The following TBC1D12 variants were observed in gnomAD, a reference collection of about 807,000 sequenced individuals.
TBC1D12 encodes TBC1 domain family member 12, also known as TBC1 domain family, member 12.
A neutral mutation model predicts 86.7 loss-of-function variants in TBC1D12; 56 were observed. That is an observed-to-expected ratio of 0.65 (90% CI 0.52 to 0.81). TBC1D12 has a LOEUF of 0.81. Among genes scored for constraint, TBC1D12 ranks in the 30% least tolerant of loss-of-function variants. The probability of loss-of-function intolerance (pLI) is 0.00; values close to 1 mark genes in which losing one functional copy is unlikely to be tolerated. For synonymous variants in TBC1D12, 421 were observed against 411.7 expected, an observed-to-expected ratio of 1.02 and a Z score of -0.27; for missense variants, 1,023 against 1,038.8, an observed-to-expected ratio of 0.98 and a Z score of 0.21.
rs377612027 is a variant in TBC1D12, at chr10:94,533,696, A to T, written c.*600A>T. On this transcript the variant is annotated 3_prime_UTR_variant, in exon 13 of 13. Coordinates refer to ENST00000225235, the MANE Select transcript of TBC1D12 (RefSeq NM_015188.2). ...ATTGTTTGTTTAGATGTTTTTCCAT[A>T]GTATGGTGTCCATTTGTTTTTTAAG... 4.1e-4 allele frequency: 63 copies of T among 152,316 alleles called. No individual in the cohort carries two copies. Among genetic ancestry groups the T allele is most frequent in the African/African-American group, 1.3e-3 (56 of 41,568 alleles). 9.4% of individuals were successfully genotyped at this position (152,316 alleles called of 1,614,324 possible). A position where few individuals can be genotyped will look rare whatever the true frequency, so the allele number is the denominator to read the frequency against.
intron 9 of TBC1D12, among the ~76,000 whole-genome samples, chr10:94,518,737 T>C (rs1365247426): frequency 2.6e-5 from 4 of 152,322 alleles, no homozygotes; most frequent in East Asian, 3.9e-4. Flanking sequence ...ACAAGAGTGA[T>C]ATATAATAAA....
At chr10:94,421,429 T>TG (rs1473887202) in intron 1 of TBC1D12, among the ~76,000 whole-genome samples, 1 of 152,256 alleles carries the variant, frequency 6.6e-6, no homozygotes, top group African/African-American at 2.4e-5. Flanking sequence ...CATCCATTGA[T>TG]GGACACTTGG....
intron 1 of TBC1D12, among the ~76,000 whole-genome samples, chr10:94,426,077 T>C (rs888183797): frequency 9.2e-5 from 14 of 152,188 alleles, no homozygotes; most frequent in Admixed American, 3.3e-4. Context: ...GAGGTGACTG[T>C]AGACAGTCAT....
chr10:94,404,914 G>A (rs2054831189), intron 1 of TBC1D12, among the ~76,000 whole-genome samples: 1 of 151,984 alleles, frequency 6.6e-6, no homozygotes. Context: ...CGGGCATGTT[G>A]GCAGGCGACT....
intron 3 of TBC1D12, among the ~76,000 whole-genome samples, chr10:94,490,365 G>T (rs1238288215): frequency 6.6e-6 from 1 of 152,106 alleles, no homozygotes; most frequent in Non-Finnish European, 1.5e-5. Context: ...TGACATTAGG[G>T]TTGCTACAAA....
chr10:94,454,070 C>T (rs2055590630), intron 2 of TBC1D12, among the ~76,000 whole-genome samples: 1 of 152,106 alleles, frequency 6.6e-6, no homozygotes, highest in African/African-American at 2.4e-5. Context: ...CTTTGTCTTT[C>T]TTCAATATTG....
chr10:94,429,521 T>C (rs1016019454), intron 1 of TBC1D12, among the ~76,000 whole-genome samples: 11 of 152,174 alleles, frequency 7.2e-5, no homozygotes, highest in Non-Finnish European at 1.5e-4. Context: ...GTAACCAAAG[T>C]ACTGAGTTTA....
chr10:94,486,369 T>A (rs2056163579), intron 3 of TBC1D12, among the ~76,000 whole-genome samples: 1 of 152,040 alleles, frequency 6.6e-6, no homozygotes, highest in Admixed American at 6.6e-5. Context: ...CTAGCTTTTT[T>A]AGTTCCTTAA....
chr10:94,502,691 CTAAA>C, intron 6 of TBC1D12, among the ~76,000 whole-genome samples: 1 of 152,070 alleles, frequency 6.6e-6, no homozygotes, highest in East Asian at 1.9e-4. Context: ...GACCCTGTCT[CTAAA>C]TAAATAAATA....
At chr10:94,479,390 T>C (rs1294511612) in intron 3 of TBC1D12, among the ~76,000 whole-genome samples, 2 of 152,178 alleles carry the variant, frequency 1.3e-5, no homozygotes, top group African/African-American at 4.8e-5. Flanking sequence ...TTGTAATTAT[T>C]TTATATGGAA....
At chr10:94,455,833 CTGTAGT>C (rs1303580164) in intron 2 of TBC1D12, among the ~76,000 whole-genome samples, 3 of 152,092 alleles carry the variant, frequency 2.0e-5, no homozygotes, top group African/African-American at 7.2e-5. Context: ...TGGCATGCGC[CTGTAGT>C]CCCAACTCCT....
At chr10:94,513,381 A>C (rs560501760) in intron 9 of TBC1D12, among the ~76,000 whole-genome samples, 4 of 152,120 alleles carry the variant, frequency 2.6e-5, no homozygotes, top group African/African-American at 9.7e-5. Flanking sequence ...GGATTGGACC[A>C]CTGCATTCCA....
In TBC1D12 at chr10:94,403,359, C is replaced by T; in HGVS notation, c.746C>T (p.Pro249Leu). ...GAGGPEEGAP[P>L]ATSAERTNGG... The stretch of plus-strand genomic sequence containing the variant: ...GGGGGTCCCGAGGAGGGCGCGCCCC[C>T]TGCCACCTCGGCCGAGAGGACTAAT... Residue 249 changes from proline to leucine, a missense_variant, in exon 1 of 13, where the codon CCT becomes CTT. Physicochemically the swap from Pro to Leu is moderately conservative, Grantham distance 98. This residue lies in a region of TBC1D12 where 628 missense variants were observed against 531.1 expected (regional missense o/e 1.18). Coordinates refer to ENST00000225235, the MANE Select transcript of TBC1D12 (RefSeq NM_015188.2). The T allele has an allele frequency of 2.0e-6, 3 of 1,528,000 alleles. No individual in the cohort carries two copies. Among genetic ancestry groups the T allele is most frequent in the Non-Finnish European group, 2.6e-6 (3 of 1,138,218 alleles). 94.7% of individuals were successfully genotyped at this position (1,528,000 alleles called of 1,614,324 possible).
chr10:94,522,844 A>G (rs7900007), intron 11 of TBC1D12, among the ~76,000 whole-genome samples: 103,829 of 151,612 alleles, frequency 0.68, 36,206 homozygotes, highest in African/African-American at 0.82. Context: ...AGGAGTTCGA[A>G]ACCAGCCTGA....
chr10:94,456,313 A>G (rs2055626821), intron 2 of TBC1D12, among the ~76,000 whole-genome samples: 1 of 152,116 alleles, frequency 6.6e-6, no homozygotes, highest in Admixed American at 6.5e-5. Context: ...TCAAAGCAAT[A>G]CTTTTGCCTC....
intron 1 of TBC1D12, among the ~76,000 whole-genome samples, chr10:94,433,571 A>T (rs2055249200): frequency 6.6e-6 from 1 of 152,214 alleles, no homozygotes; most frequent in African/African-American, 2.4e-5. Context: ...TATGTTTGGT[A>T]AGGATTACAA....
chr10:94,497,368 T>G (rs2056335280), intron 5 of TBC1D12, among the ~76,000 whole-genome samples, 196 bp downstream of exon 5: 5 of 152,086 alleles, frequency 3.3e-5, no homozygotes. Flanking sequence ...TTTTATTATT[T>G]CCAGCATATA....
intron 1 of TBC1D12, among the ~76,000 whole-genome samples, chr10:94,417,742 CTCT>C (rs1336415421): frequency 2.7e-4 from 39 of 145,304 alleles, no homozygotes; most frequent in South Asian, 4.6e-4. Context: ...GTATATGTGT[CTCT>C]TCTTCTTTTT....
At chr10:94,456,065 G>C (rs902665991) in intron 2 of TBC1D12, among the ~76,000 whole-genome samples, 1 of 151,584 alleles carries the variant, frequency 6.6e-6, no homozygotes, top group African/African-American at 2.4e-5. Flanking sequence ...TGTCTTTTTT[G>C]TTTTCTCTTA....
Sources: gnomAD v4.1 joint callset for allele counts (sites outside exome capture counted in the v4.1 genomes callset) on GRCh38, gnomAD v4.1.1 for gene constraint, gnomAD v4.1.1 regional missense constraint, MANE v1.5 for transcripts, NCBI Gene and HGNC (gene_info 2026-07-23, HGNC 2026-07-21) for gene names.